The following DLG2 variants were observed in gnomAD, a reference collection of about 807,000 sequenced individuals.
DLG2 encodes the protein discs large MAGUK scaffold protein 2.
In DLG2, 45 loss-of-function variants were observed where a neutral mutation model predicts 132.5. That is an observed-to-expected ratio of 0.34 (90% confidence interval 0.27 to 0.44). DLG2 has a LOEUF of 0.44. DLG2 is among the 20% of genes least tolerant of loss of function. The pLI is 1.00. For synonymous variants in DLG2, 424 were observed against 419.6 expected (o/e 1.01, Z -0.13); for missense variants, 1,045 against 1,196.9 (o/e 0.87, Z 1.87).
At chr11:83,917,055 T>C (rs529896016) in intron 15 of DLG2, among the ~76,000 whole-genome samples, 1 of 152,336 alleles carries the variant, frequency 6.6e-6, no homozygotes, top group South Asian at 2.1e-4. Flanking sequence ...GGATGCACTA[T>C]TAGCTTTAGG....
At chr11:83,999,846 T>C (rs1021938166) in intron 11 of DLG2, among the ~76,000 whole-genome samples, 2 of 151,680 alleles carry the variant, frequency 1.3e-5, no homozygotes, top group Non-Finnish European at 2.9e-5. Flanking sequence ...ACCAACACCA[T>C]AGATACATCT....
chr11:84,063,409 C>A (rs1001947141), intron 10 of DLG2, among the ~76,000 whole-genome samples: 8 of 152,170 alleles, frequency 5.3e-5, no homozygotes, highest in African/African-American at 1.9e-4. Flanking sequence ...AAATTTTGCA[C>A]TAAATCAAGT....
intron 11 of DLG2, among the ~76,000 whole-genome samples, chr11:84,045,733 T>A (rs532481604): frequency 6.6e-6 from 1 of 151,646 alleles, no homozygotes; most frequent in South Asian, 2.1e-4. Context: ...AGAGAAAATT[T>A]ATAGAAATTT....
At chr11:84,713,128 T>C (rs1217993076) in intron 6 of DLG2, among the ~76,000 whole-genome samples, 1 of 152,140 alleles carries the variant, frequency 6.6e-6, no homozygotes, top group Admixed American at 6.5e-5. Context: ...TTTTTGCAAA[T>C]TGACTCATAG....
chr11:85,299,799 C>T (rs1036196446), intron 3 of DLG2, among the ~76,000 whole-genome samples: 33 of 152,158 alleles, frequency 2.2e-4, no homozygotes, highest in African/African-American at 8.0e-4. Context: ...CCATGCGATG[C>T]TGGTGTTGCT....
Position 84,012,344 on chromosome 11 carries a change from A to T in DLG2, c.920-31702T>A, listed in dbSNP as rs1037245344. Among the ~76,000 whole-genome samples, 2 of 152,184 alleles carry T rather than the reference A, an allele frequency of 1.3e-5. 1 individual carries two copies. Among genetic ancestry groups the T allele is most frequent in the South Asian group, 4.1e-4 (2 of 4,830 alleles). Reference sequence around the variant, plus strand: ...CTGATTTTTGGCAAGAAACGCACAGAGTAGGACAGAAGCAGGGAGTCAAGC... The same window carrying T: ...CTGATTTTTGGCAAGAAACGCACAGTGTAGGACAGAAGCAGGGAGTCAAGC... On this transcript the variant is annotated intron_variant, in intron 11 of 27. Transcript: ENST00000376104.
intron 6 of DLG2, among the ~76,000 whole-genome samples, chr11:84,902,554 A>AGG: frequency 6.6e-6 from 1 of 152,228 alleles, no homozygotes; most frequent in Admixed American, 6.5e-5. Context: ...GGTATCCCCC[A>AGG]GGGTTCTGTC....
At chr11:85,568,899 G>A (rs189350677) in intron 3 of DLG2, among the ~76,000 whole-genome samples, 18 of 151,866 alleles carry the variant, frequency 1.2e-4, no homozygotes, top group African/African-American at 2.9e-4. Context: ...TCTATTTCCC[G>A]TTCTGTTTAT....
intron 16 of DLG2, among the ~76,000 whole-genome samples, chr11:83,836,963 C>T (rs2056341686): frequency 6.6e-6 from 1 of 152,122 alleles, no homozygotes; most frequent in African/African-American, 2.4e-5. Context: ...ACCTCATTGC[C>T]ACTAGGTGGG....
At chr11:85,488,844 G>T (rs2093492274) in intron 3 of DLG2, among the ~76,000 whole-genome samples, 1 of 152,004 alleles carries the variant, frequency 6.6e-6, no homozygotes, top group African/African-American at 2.4e-5. Context: ...AACCCTAAAA[G>T]AAATGTTCAA....
At chr11:85,277,631 C>G (rs1416238958) in intron 4 of DLG2, among the ~76,000 whole-genome samples, 1 of 152,132 alleles carries the variant, frequency 6.6e-6, no homozygotes, top group South Asian at 2.1e-4. Context: ...CTGTGAGTTA[C>G]TCACAGGCTT....
chr11:84,498,398 C>T (rs1280027335), intron 7 of DLG2, among the ~76,000 whole-genome samples: 1 of 152,078 alleles, frequency 6.6e-6, no homozygotes, highest in Non-Finnish European at 1.5e-5. Context: ...TCACAATCAC[C>T]GTCCTAATGG....
chr11:83,813,138 T>G (rs1452413439), intron 17 of DLG2, among the ~76,000 whole-genome samples: 5 of 152,148 alleles, frequency 3.3e-5, no homozygotes, highest in Non-Finnish European at 7.4e-5. Flanking sequence ...ATCTAGTTGA[T>G]AGTAAAGCAG....
At chr11:84,548,261 C>A (rs1050827313) in intron 6 of DLG2, among the ~76,000 whole-genome samples, 1 of 152,094 alleles carries the variant, frequency 6.6e-6, no homozygotes, top group South Asian at 2.1e-4. Context: ...TGAGACAACG[C>A]TAAGTATTCT....
At chr11:85,095,274 A>G (rs2069541408) in intron 6 of DLG2, among the ~76,000 whole-genome samples, 1 of 152,350 alleles carries the variant, frequency 6.6e-6, no homozygotes, top group Non-Finnish European at 1.5e-5. Flanking sequence ...GCTGTTGGAA[A>G]AATGTTGCCA....
At chr11:84,567,072 A>G (rs2099459434) in intron 6 of DLG2, among the ~76,000 whole-genome samples, 1 of 152,150 alleles carries the variant, frequency 6.6e-6, no homozygotes, top group Non-Finnish European at 1.5e-5. Context: ...TATGCTTACT[A>G]CAGCTGAAAA....
intron 7 of DLG2, among the ~76,000 whole-genome samples, chr11:84,443,512 T>C (rs929933990): frequency 1.4e-4 from 21 of 152,156 alleles, no homozygotes; most frequent in African/African-American, 5.1e-4. Context: ...TTATTAGTAA[T>C]TTAAATGAGT....
intron 3 of DLG2, among the ~76,000 whole-genome samples, chr11:85,433,197 C>T (rs533631681): frequency 1.3e-5 from 2 of 152,238 alleles, no homozygotes; most frequent in East Asian, 1.9e-4. Context: ...AAATCAATAC[C>T]AGCCACTGCA....
intron 21 of DLG2, among the ~76,000 whole-genome samples, chr11:83,506,468 C>T (rs1241655423): frequency 6.6e-6 from 1 of 152,162 alleles, no homozygotes; most frequent in Non-Finnish European, 1.5e-5. Context: ...TCTCAACCTC[C>T]CTCTAGGCAC....
Sources: allele counts gnomAD v4.1 joint callset (sites outside exome capture counted in the v4.1 genomes callset), GRCh38; gene constraint gnomAD v4.1.1; transcripts MANE v1.5; gene names NCBI Gene and HGNC (gene_info 2026-07-23, HGNC 2026-07-21).